The following EPHA6 variants were observed in gnomAD, a reference collection of about 807,000 sequenced individuals.
EPHA6 encodes EPH receptor A6, also known as ephrin type-A receptor 6.
A neutral mutation model predicts 112.0 loss-of-function variants in EPHA6; 50 were observed. The observed-to-expected ratio is 0.45, with a 90% CI of 0.36 to 0.56. The LOEUF (loss-of-function observed/expected upper bound fraction) is 0.56, where lower values mean the gene tolerates loss of function less well. EPHA6 is among the 20% of genes least tolerant of loss of function. EPHA6 has a pLI of 0.00. For missense variants in EPHA6, 1,280 were observed against 1,417.4 expected, an observed-to-expected ratio of 0.90 and a Z score of 1.56; for synonymous variants, 529 against 490.7, an observed-to-expected ratio of 1.08 and a Z score of -1.03.
At chr3:97,347,868 C>G (rs1023051229) in intron 5 of EPHA6, among the ~76,000 whole-genome samples, 9 of 152,008 alleles carry the variant, frequency 5.9e-5, no homozygotes, top group South Asian at 2.1e-4. Context: ...CAACATAAAT[C>G]TTTTGATAGC....
chr3:97,582,089 G>A (rs924814729), intron 11 of EPHA6, among the ~76,000 whole-genome samples: 10 of 151,976 alleles, frequency 6.6e-5, no homozygotes, highest in African/African-American at 2.4e-4. Flanking sequence ...GAGTGCAATG[G>A]CCCAATCTCA....
intron 5 of EPHA6, among the ~76,000 whole-genome samples, chr3:97,319,494 C>T (rs959815337): frequency 6.6e-6 from 1 of 150,842 alleles, no homozygotes; most frequent in African/African-American, 2.4e-5. Context: ...ATGGTGAAAA[C>T]CCATCTCTAC....
chr3:96,944,026 C>T (rs1267457606), intron 2 of EPHA6, among the ~76,000 whole-genome samples: 1 of 151,994 alleles, frequency 6.6e-6, no homozygotes, highest in East Asian at 1.9e-4. Context: ...ATATTTATCC[C>T]TTTTTAGCTA....
chr3:97,263,676 T>C (rs1023102533), intron 5 of EPHA6, among the ~76,000 whole-genome samples: 31 of 152,172 alleles, frequency 2.0e-4, no homozygotes, highest in Admixed American at 2.0e-3. Flanking sequence ...GAATTTTGTA[T>C]GCTTATATCA....
chr3:97,093,600 A>G (rs1342862853), intron 3 of EPHA6, among the ~76,000 whole-genome samples: 1 of 152,084 alleles, frequency 6.6e-6, no homozygotes, highest in Non-Finnish European at 1.5e-5. Flanking sequence ...AATGATAGGT[A>G]ATGAAGATTA....
Position 97,323,868 on chromosome 3 carries a change from G to A in EPHA6, c.1606+79581G>A, listed in dbSNP as rs546684838. On this transcript the variant is annotated intron_variant, in intron 5 of 17. Transcript: ENST00000389672. ...AGCTGAAACAGAGCTGAGAAACAAC[G>A]TAGCAACTGAAAATTACTTATTAAA... Among the ~76,000 whole-genome samples the A allele has an allele frequency of 6.6e-5, 10 of 151,956 alleles. No individual in the cohort carries two copies. The South Asian group carries it at 1.0e-3, about 16-fold the overall frequency.
rs144378738 is a variant in EPHA6, at chr3:97,564,831, T to C, written c.2387-27781T>C. ...CAGCTATTATACACTCTAAGGCCAATTGCTACATAATCAGAGGTCGTAAGA... is the reference window on the plus strand; with the variant it reads ...CAGCTATTATACACTCTAAGGCCAACTGCTACATAATCAGAGGTCGTAAGA... On this transcript the variant is annotated intron_variant, in intron 11 of 17. Transcript: ENST00000389672. Among the ~76,000 whole-genome samples the C allele has an allele frequency of 2.7e-3, 410 of 152,258 alleles. 4 individuals carry two copies. The highest frequency in any genetic ancestry group is 9.1e-3 in the African/African-American group (377 of 41,558).
chr3:97,393,576 G>A (rs151008871), intron 5 of EPHA6, among the ~76,000 whole-genome samples: 2 of 151,700 alleles, frequency 1.3e-5, no homozygotes, highest in African/African-American at 4.8e-5. Context: ...TTTCACTCTG[G>A]CAGATACAGA....
chr3:97,152,081 G>A (rs2076184144), intron 3 of EPHA6, among the ~76,000 whole-genome samples: 1 of 151,822 alleles, frequency 6.6e-6, no homozygotes. Flanking sequence ...ACATGCCTGG[G>A]GACATAAGTA....
intron 15 of EPHA6, 130 bp from the exon 16 acceptor site, chr3:97,735,795 G>C (rs2035227018): frequency 1.7e-6 from 1 of 585,124 alleles, no homozygotes; most frequent in Non-Finnish European, 2.8e-6. Context: ...TCCTTATTTA[G>C]GTCCTTGTAC....
At chr3:97,095,655 T>G (rs1483114349) in intron 3 of EPHA6, among the ~76,000 whole-genome samples, 2 of 151,958 alleles carry the variant, frequency 1.3e-5, no homozygotes, top group Non-Finnish European at 2.9e-5. Flanking sequence ...TGTGGCCATA[T>G]GACTAAGTAT....
Position 97,107,159 on chromosome 3 carries a change from T to C in EPHA6, c.1115-119105T>C, listed in dbSNP as rs149215870. Among the ~76,000 whole-genome samples, 753 of 152,254 alleles carry C rather than the reference T, an allele frequency of 4.9e-3. 6 individuals are homozygous for C. Among genetic ancestry groups the C allele is most frequent in the African/African-American group, 0.016 (663 of 41,546 alleles). On this transcript the variant is annotated intron_variant, in intron 3 of 17. Transcript: ENST00000389672. ...AATATTTTAATTTTATATATGGGCA[T>C]TTACAATAAGTAAATGTAATTTACT...
intron 3 of EPHA6, among the ~76,000 whole-genome samples, chr3:97,077,397 T>C (rs116757923): frequency 0.016 from 2,421 of 152,134 alleles, 60 homozygotes; most frequent in African/African-American, 0.056. Context: ...GCAATCTATA[T>C]ATATATATAT....
intron 3 of EPHA6, among the ~76,000 whole-genome samples, chr3:97,162,745 T>C (rs2076445011): frequency 6.6e-6 from 1 of 152,140 alleles, no homozygotes; most frequent in Non-Finnish European, 1.5e-5. Flanking sequence ...TCTGGGTCTA[T>C]TTACTGGCTC....
intron 3 of EPHA6, among the ~76,000 whole-genome samples, chr3:97,075,254 G>T (rs2046479724): frequency 6.6e-6 from 1 of 151,798 alleles, no homozygotes; most frequent in Admixed American, 6.6e-5. Context: ...TTGTCAATTT[G>T]AATTTTTTAC....
intron 10 of EPHA6, among the ~76,000 whole-genome samples, chr3:97,514,862 C>T (rs149581891): frequency 9.2e-5 from 14 of 152,176 alleles, no homozygotes; most frequent in Admixed American, 4.6e-4. Flanking sequence ...TATCAGGAGC[C>T]GAACTGGCCA....
At chr3:96,875,372 C>T (rs577847883) in intron 2 of EPHA6, among the ~76,000 whole-genome samples, 12 of 152,040 alleles carry the variant, frequency 7.9e-5, no homozygotes, top group Admixed American at 1.3e-4. Context: ...ATATTTAATA[C>T]TCGAGCAACT....
chr3:97,476,990 G>C (rs2091389247), intron 8 of EPHA6, among the ~76,000 whole-genome samples: 1 of 151,998 alleles, frequency 6.6e-6, no homozygotes, highest in Non-Finnish European at 1.5e-5. Flanking sequence ...AAGAATGCAG[G>C]AAATAATGAT....
chr3:97,598,928 T>C (rs1171908543), intron 12 of EPHA6, among the ~76,000 whole-genome samples: 36 of 150,352 alleles, frequency 2.4e-4, no homozygotes, highest in Middle Eastern at 7.1e-3. Flanking sequence ...CCAGCACCTG[T>C]TGTTTCCTGA....
Sources: gnomAD v4.1 joint callset for allele counts (sites outside exome capture counted in the v4.1 genomes callset) on GRCh38, gnomAD v4.1.1 for gene constraint, MANE v1.5 for transcripts, NCBI Gene and HGNC (gene_info 2026-07-23, HGNC 2026-07-21) for gene names.